ACER2: variants seen among roughly 807,000 people sequenced by gnomAD.
ACER2 encodes alkCDase 2.
ACER2 carries 26 observed loss-of-function variants against 34.7 expected under a neutral mutation model. The observed-to-expected ratio is 0.75, with a 90% CI of 0.55 to 1.04. The LOEUF (loss-of-function observed/expected upper bound fraction) is 1.04. Ranked by LOEUF, ACER2 falls within the 50% of genes least tolerant of loss-of-function variation. ACER2 has a pLI of 0.00. For missense variants in ACER2, 352 were observed against 340.8 expected (o/e 1.03, Z -0.26); for synonymous variants, 138 against 132.1 (o/e 1.04, Z -0.31).
rs1237961212 is a variant in ACER2 at position 19,423,974 on chromosome 9, T to G, written c.221T>G (p.Val74Gly). Residue 74 changes from valine (V) to glycine (G), a missense_variant and splice_region_variant, in exon 2 of 6, where the codon GTG (valine) becomes GGG (glycine). By Grantham distance (109) the Val-to-Gly change is moderately radical. Coordinates refer to ENST00000340967, the MANE Select transcript of ACER2 (RefSeq NM_001010887.3). ...TTAATCTGGACTCTTTTGGTTGTAG[T>G]GGGTAAGTGGAGTCATTTGGGAACA... ...IYLIWTLLVV[V>G]GIGSVYFHAT... 2 of 1,609,536 alleles carry G rather than the reference T, an allele frequency of 1.2e-6. No individual in the cohort carries two copies. Among genetic ancestry groups the G allele is most frequent in the East Asian group, 2.2e-5 (1 of 44,844 alleles).
chr9:19,428,354 G>A (rs1830646262), intron 3 of ACER2, among the ~76,000 whole-genome samples: 1 of 151,864 alleles, frequency 6.6e-6, no homozygotes, highest in South Asian at 2.1e-4. Flanking sequence ...TTTTAGTAGA[G>A]ACGGGGTTTT....
At chr9:19,418,885 A>G (rs1331966966) in intron 1 of ACER2, among the ~76,000 whole-genome samples, 4 of 152,214 alleles carry the variant, frequency 2.6e-5, no homozygotes, top group Non-Finnish European at 4.4e-5. Context: ...GATCATAACA[A>G]TGAATAAAAG....
intron 3 of ACER2, among the ~76,000 whole-genome samples, chr9:19,434,642 G>T (rs1204302993): frequency 6.6e-6 from 1 of 152,252 alleles, no homozygotes; most frequent in Non-Finnish European, 1.5e-5. Flanking sequence ...GTGTGGCGGT[G>T]CGCGCCTGCA....
At chr9:19,444,657 A>G (rs994889335) in intron 4 of ACER2, among the ~76,000 whole-genome samples, 5 of 152,170 alleles carry the variant, frequency 3.3e-5, no homozygotes, top group African/African-American at 9.7e-5. Flanking sequence ...TGTGTGTGGG[A>G]AGAAGCCTGG....
intron 1 of ACER2, among the ~76,000 whole-genome samples, chr9:19,416,725 G>C (rs939585202): frequency 4.6e-5 from 7 of 151,356 alleles, no homozygotes; most frequent in Non-Finnish European, 1.0e-4. Flanking sequence ...TAGAGACAGG[G>C]TTTTGCCATG....
rs139788386 is a variant in ACER2 at position 19,427,642 on chromosome 9, T to TTTCTC, written c.365+2824_365+2828dup. ...TTCCCTCCCTCCCCCCCTCCTTTCT[T>TTTCTC]TTCTCTTCTCTTCTCTTCTCTTCTC... On this transcript the variant is annotated intron_variant, in intron 3 of 5. Coordinates refer to ENST00000340967, the MANE Select transcript of ACER2 (RefSeq NM_001010887.3). 3.3e-3 allele frequency among the ~76,000 whole-genome samples: 458 copies of TTTCTC among 136,790 alleles called. 3 individuals carry two copies. Among genetic ancestry groups the TTTCTC allele is most frequent in the Middle Eastern group, 6.9e-3 (2 of 288 alleles). The allele number at this position is 136,790 out of a possible 152,430, so 89.7% of individuals were successfully genotyped here.
At chr9:19,444,093 C>T (rs1006153343) in intron 4 of ACER2, among the ~76,000 whole-genome samples, 1 of 145,240 alleles carries the variant, frequency 6.9e-6, no homozygotes, top group African/African-American at 2.6e-5. Context: ...TTCCCTGGGC[C>T]ATATTGGAAG....
At chr9:19,413,341 G>A (rs930233747) in intron 1 of ACER2, among the ~76,000 whole-genome samples, 1 of 152,216 alleles carries the variant, frequency 6.6e-6, no homozygotes, top group African/African-American at 2.4e-5. Flanking sequence ...GCTCACGCCT[G>A]TAATCCCAGC....
chr9:19,409,679 G>C (rs956472908), intron 1 of ACER2: 1 of 947,354 alleles, frequency 1.1e-6, no homozygotes, highest in African/African-American at 1.8e-5. Flanking sequence ...CCACCAGGCA[G>C]ACTTGCCCCA....
chr9:19,448,790 A>T (rs1368581073), intron 5 of ACER2, among the ~76,000 whole-genome samples: 1 of 152,144 alleles, frequency 6.6e-6, no homozygotes, highest in African/African-American at 2.4e-5. Flanking sequence ...TCAATTTGTG[A>T]TGTGTATTTC....
At chr9:19,444,823 T>C (rs1484223279) in intron 4 of ACER2, among the ~76,000 whole-genome samples, 2 of 152,240 alleles carry the variant, frequency 1.3e-5, no homozygotes, top group Non-Finnish European at 2.9e-5. Flanking sequence ...TAACTGGGAA[T>C]GTAAGTCTCC....
At chr9:19,450,314 C>G in intron 5 of ACER2, 136 bp from the exon 6 acceptor site, 1 of 1,326,236 alleles carries the variant, frequency 7.5e-7, no homozygotes. Context: ...TCATCCTTTC[C>G]TAATTAGAAG....
At chr9:19,442,979 C>T (rs909666147) in intron 4 of ACER2, among the ~76,000 whole-genome samples, 2 of 151,782 alleles carry the variant, frequency 1.3e-5, no homozygotes, top group African/African-American at 2.4e-5. Context: ...ACTACAGATG[C>T]ATGCCATCAT....
intron 1 of ACER2, chr9:19,409,758 T>C: frequency 1.0e-6 from 1 of 985,338 alleles, no homozygotes; most frequent in Non-Finnish European, 1.2e-6. Flanking sequence ...TACTTGTTTT[T>C]TTTTCTTGCC....
intron 5 of ACER2, among the ~76,000 whole-genome samples, chr9:19,449,096 C>CAAG (rs1554658392): frequency 3.3e-5 from 5 of 152,198 alleles, no homozygotes; most frequent in Non-Finnish European, 7.3e-5. Flanking sequence ...TGCCACTGTA[C>CAAG]TCTAGCCTGA....
chr9:19,440,280 A>G (rs1831114389), intron 4 of ACER2, among the ~76,000 whole-genome samples: 1 of 152,060 alleles, frequency 6.6e-6, no homozygotes. Flanking sequence ...TTTTCTACAC[A>G]GCTTTGCATG....
chr9:19,435,174 G>A, intron 4 of ACER2, 90 bp downstream of exon 4: 2 of 1,474,976 alleles, frequency 1.4e-6, no homozygotes, highest in Non-Finnish European at 9.2e-7. Context: ...TAGCAGAAGA[G>A]GAGTTTTATT....
rs1255807579 is a variant in ACER2, at chr9:19,423,833, T to C, written c.109-29T>C. On this transcript the variant is annotated intron_variant, in intron 1 of 5. Transcript: ENST00000340967. ...TTTTGCCCTTTTTACTTAATACTCA[T>C]CTTTCTGTTTTACATTTTTTTCCTG... 2.6e-6 allele frequency: 4 copies of C among 1,565,152 alleles called. No individual in the cohort carries two copies. In the African/African-American group the frequency reaches 4.1e-5, roughly 16 times the overall value.
At chr9:19,424,601 A>C (rs1205962922) in intron 2 of ACER2, 99 bp from the exon 3 acceptor site, 14 of 1,529,850 alleles carry the variant, frequency 9.2e-6, no homozygotes, top group Non-Finnish European at 1.2e-5. Context: ...TGATCTGGTG[A>C]CTGTGTTAAC....
Sources: gnomAD v4.1 joint callset for allele counts (sites outside exome capture counted in the v4.1 genomes callset) on GRCh38, gnomAD v4.1.1 for gene constraint, MANE v1.5 for transcripts, NCBI Gene and HGNC (gene_info 2026-07-23, HGNC 2026-07-21) for gene names.